FAT3: variants seen among roughly 807,000 people sequenced by gnomAD.
The protein encoded by FAT3 is protocadherin Fat 3.
In FAT3, 95 loss-of-function variants were observed where a neutral mutation model predicts 310.2. That is an observed-to-expected ratio of 0.31 (90% CI 0.26 to 0.36). FAT3 has a LOEUF of 0.36. FAT3 is among the 10% of genes least tolerant of loss of function. The pLI, the probability that FAT3 is intolerant of heterozygous loss-of-function variation, is 1.00. For synonymous variants in FAT3, 2,314 were observed against 2,192.9 expected, an observed-to-expected ratio of 1.06 and a Z score of -1.54; for missense variants, 5,408 against 5,715.6, an observed-to-expected ratio of 0.95 and a Z score of 1.74.
At chr11:92,833,807 A>C (rs1440203009) in intron 14 of FAT3, among the ~76,000 whole-genome samples, 1 of 152,182 alleles carries the variant, frequency 6.6e-6, no homozygotes, top group African/African-American at 2.4e-5. Context: ...TATAAACACC[A>C]TGGGGAAATG....
chr11:92,579,210 T>C (rs573788316), intron 3 of FAT3, among the ~76,000 whole-genome samples: 33 of 152,076 alleles, frequency 2.2e-4, no homozygotes, highest in African/African-American at 7.5e-4. Flanking sequence ...CCAGTGAAAA[T>C]GATTCAAGAA....
chr11:92,657,680 A>T (rs991017056), intron 3 of FAT3, among the ~76,000 whole-genome samples: 2 of 152,262 alleles, frequency 1.3e-5, no homozygotes, highest in Non-Finnish European at 2.9e-5. Context: ...GGACATAAAG[A>T]TAAAAGGGAC....
At chr11:92,381,923 G>A (rs1177059740) in intron 2 of FAT3, among the ~76,000 whole-genome samples, 2 of 152,100 alleles carry the variant, frequency 1.3e-5, no homozygotes, top group African/African-American at 2.4e-5. Context: ...AAACATTGGT[G>A]GGTAGTTTTT....
chr11:92,636,358 A>G (rs1173639970), intron 3 of FAT3, among the ~76,000 whole-genome samples: 1 of 152,212 alleles, frequency 6.6e-6, no homozygotes, highest in Non-Finnish European at 1.5e-5. Context: ...AAGTTATACT[A>G]GGGACTCTTC....
At chr11:92,666,558 C>T (rs1942959927) in intron 3 of FAT3, among the ~76,000 whole-genome samples, 5 of 148,758 alleles carry the variant, frequency 3.4e-5, no homozygotes, top group Admixed American at 2.7e-4. Context: ...GACGGGGTTT[C>T]ACCATGTTAG....
chr11:92,588,289 T>A (rs985156162), intron 3 of FAT3, among the ~76,000 whole-genome samples: 33 of 152,012 alleles, frequency 2.2e-4, no homozygotes, highest in African/African-American at 8.0e-4. Flanking sequence ...TGACAATTTT[T>A]TGTTTGCTTT....
At chr11:92,342,685 C>T (rs1284424876) in intron 1 of FAT3, among the ~76,000 whole-genome samples, 1 of 152,036 alleles carries the variant, frequency 6.6e-6, no homozygotes, top group Non-Finnish European at 1.5e-5. Flanking sequence ...GCTGTTTTTC[C>T]AGAGTAAGTG....
chr11:92,357,015 T>C (rs977838985), intron 2 of FAT3, among the ~76,000 whole-genome samples: 1 of 152,110 alleles, frequency 6.6e-6, no homozygotes, highest in African/African-American at 2.4e-5. Flanking sequence ...TATTAGGAAA[T>C]TTCACCCCTG....
At chr11:92,662,083 C>G (rs1036655455) in intron 3 of FAT3, among the ~76,000 whole-genome samples, 1 of 152,088 alleles carries the variant, frequency 6.6e-6, no homozygotes. Flanking sequence ...CATACCAGAC[C>G]AGACCAGTAT....
chr11:92,715,209 T>A (rs1944642604), intron 4 of FAT3, among the ~76,000 whole-genome samples: 1 of 148,714 alleles, frequency 6.7e-6, no homozygotes, highest in Non-Finnish European at 1.5e-5. Flanking sequence ...ATCGAGACCA[T>A]CCTGGCTAAC....
At chr11:92,804,657 A>T (rs1315387105) in intron 10 of FAT3, among the ~76,000 whole-genome samples, 2 of 152,028 alleles carry the variant, frequency 1.3e-5, no homozygotes, top group East Asian at 3.9e-4. Flanking sequence ...TCTCCGCCAA[A>T]CTCCAGTTCT....
At chr11:92,292,856 A>G (rs115573880) in intron 1 of FAT3, among the ~76,000 whole-genome samples, 5 of 152,168 alleles carry the variant, frequency 3.3e-5, no homozygotes, top group African/African-American at 1.2e-4. Flanking sequence ...TCTGAATAAA[A>G]TAAGCTCTCA....
chr11:92,843,445 T>C (rs1948597239), intron 18 of FAT3, among the ~76,000 whole-genome samples: 1 of 152,256 alleles, frequency 6.6e-6, no homozygotes, highest in Non-Finnish European at 1.5e-5. Context: ...CAGTGTATTA[T>C]ATTTTATTTG....
At position 92,798,733 on chromosome 11, in the gene FAT3, C is replaced by T; in HGVS notation, c.5720C>T (p.Ala1907Val). The change falls in exon 10 of 28, where the codon GCC becomes GTC. Residue 1907 changes from alanine (A) to valine (V), a missense_variant. By Grantham distance (64) the Ala-to-Val change is moderately conservative (BLOSUM62 0). Coordinates refer to ENST00000525166, the MANE Select transcript of FAT3 (RefSeq NM_001367949.2). Reference protein sequence around the residue: ...YVGVEVLKVSATDPDSEVPPE... With the variant: ...YVGVEVLKVSVTDPDSEVPPE... ...GGAGTGGAGGTTCTGAAAGTTAGTG[C>T]CACAGATCCTGACTCTGAGGTACCC... 1 of 1,613,776 alleles carries T rather than the reference C, an allele frequency of 6.2e-7. No individual in the cohort carries two copies. Among genetic ancestry groups the T allele is most frequent in the Non-Finnish European group, 8.5e-7 (1 of 1,179,828 alleles).
chr11:92,625,307 A>G (rs1331674170), intron 3 of FAT3, among the ~76,000 whole-genome samples: 2 of 152,176 alleles, frequency 1.3e-5, no homozygotes, highest in East Asian at 3.8e-4. Flanking sequence ...TTATTGGTTT[A>G]GTCTTCTGAC....
intron 2 of FAT3, among the ~76,000 whole-genome samples, chr11:92,473,094 T>C (rs1405763293): frequency 6.6e-6 from 1 of 152,206 alleles, no homozygotes; most frequent in East Asian, 1.9e-4. Context: ...TCCCGTATGC[T>C]CCTGTGCCTC....
chr11:92,718,478 C>A (rs1359232050), intron 4 of FAT3, among the ~76,000 whole-genome samples: 1 of 151,952 alleles, frequency 6.6e-6, no homozygotes, highest in Non-Finnish European at 1.5e-5. Flanking sequence ...TTAATGTGCC[C>A]ACATGTGGAG....
rs757453457 is a variant in FAT3 at position 92,354,646 on chromosome 11, G to T, written c.2534G>T (p.Gly845Val). ...SYSVNILESS[G>V]IGTEIIQVEA... ...TCAGTTAACATTCTTGAAAGTTCAGGCATTGGTACTGAAATCATTCAAGTG... is the reference window on the plus strand; with the variant it reads ...TCAGTTAACATTCTTGAAAGTTCAGTCATTGGTACTGAAATCATTCAAGTG... Residue 845 changes from glycine to valine, a missense_variant, in exon 2 of 28, where the codon GGC becomes GTC. Transcript: ENST00000525166. 2 of 1,613,740 alleles carry T rather than the reference G, an allele frequency of 1.2e-6. No homozygotes were observed. The highest frequency in any genetic ancestry group is 1.7e-6 in the Non-Finnish European group (2 of 1,179,848).
chr11:92,601,309 C>T (rs905818723), intron 3 of FAT3, among the ~76,000 whole-genome samples: 7 of 151,932 alleles, frequency 4.6e-5, no homozygotes, highest in Middle Eastern at 3.2e-3. Context: ...CCTGTAATCC[C>T]GGCACTTTGC....
Sources: allele counts gnomAD v4.1 joint callset (sites outside exome capture counted in the v4.1 genomes callset), GRCh38; gene constraint gnomAD v4.1.1; transcripts MANE v1.5; gene names NCBI Gene and HGNC (gene_info 2026-07-23, HGNC 2026-07-21).